ABHD12B: variants seen among roughly 807,000 people sequenced by gnomAD.
The protein encoded by ABHD12B is protein ABHD12B.
Under a neutral mutation model 50.4 loss-of-function variants are expected in ABHD12B, and 42 were observed. The observed-to-expected ratio is 0.83, with a 90% confidence interval of 0.65 to 1.08. The LOEUF (loss-of-function observed/expected upper bound fraction) is 1.08. Ranked by LOEUF, ABHD12B falls within the 50% of genes least tolerant of loss-of-function variation. The pLI is 0.00. For missense variants in ABHD12B, 479 were observed against 447.7 expected (o/e 1.07, Z -0.63); for synonymous variants, 167 against 160.3 (o/e 1.04, Z -0.32).
chr14:50,879,761 A>G (rs1274770887), intron 3 of ABHD12B, among the ~76,000 whole-genome samples: 1 of 152,202 alleles, frequency 6.6e-6, no homozygotes, highest in African/African-American at 2.4e-5. Flanking sequence ...TCTCATCAAG[A>G]TCAGCTCATC....
At chr14:50,873,314 G>T (rs1247194755) in intron 1 of ABHD12B, among the ~76,000 whole-genome samples, 1 of 151,652 alleles carries the variant, frequency 6.6e-6, no homozygotes, top group Non-Finnish European at 1.5e-5. Context: ...GGGCTCCAGC[G>T]ATCCTCCCGT....
intron 9 of ABHD12B, among the ~76,000 whole-genome samples, chr14:50,894,247 C>T (rs542375766): frequency 4.6e-5 from 7 of 151,362 alleles, no homozygotes; most frequent in Non-Finnish European, 8.8e-5. Flanking sequence ...CTCCTTCACC[C>T]TTAGCGGCAA....
At chr14:50,897,443 A>G (rs2050212365) in intron 9 of ABHD12B, among the ~76,000 whole-genome samples, 1 of 152,116 alleles carries the variant, frequency 6.6e-6, no homozygotes, top group African/African-American at 2.4e-5. Flanking sequence ...CTTTTTTGTG[A>G]TCAATATTGC....
rs774490051 is a variant in ABHD12B at position 50,904,076 on chromosome 14, C to T, written c.945C>T (p.Leu315=). ...RTVPLEYGKK[L]YEIARNAYRN... ...GAGTCTCTTTCTGTCGCTTGCAGCT[C>T]TATGAAATTGCACGCAATGCATACA... is the stretch of plus-strand genomic sequence containing the variant. The change falls in exon 12 of 13, where the codon CTC becomes CTT. Residue 315 remains leucine, a splice_region_variant and synonymous_variant. Transcript: ENST00000337334. 4 of 1,611,784 alleles carry T rather than the reference C, an allele frequency of 2.5e-6. No individual in the cohort carries two copies. In the African/African-American group the frequency reaches 4.0e-5, roughly 16 times the overall value.
chr14:50,881,655 A>G, intron 5 of ABHD12B, 29 bp downstream of exon 5: 1 of 1,609,374 alleles, frequency 6.2e-7, no homozygotes, highest in Non-Finnish European at 8.5e-7. Flanking sequence ...CAAAGCACCC[A>G]TTTCATAAGT....
intron 5 of ABHD12B, among the ~76,000 whole-genome samples, chr14:50,884,471 C>G (rs10131261): frequency 0.97 from 147,304 of 152,312 alleles, 71,425 homozygotes; most frequent in East Asian, 1. Context: ...GGAGGAAGCG[C>G]AGTATTTGGA....
intron 9 of ABHD12B, chr14:50,893,205 A>T (rs1349874840): frequency 6.6e-6 from 1 of 152,234 alleles, no homozygotes; most frequent in Non-Finnish European, 1.5e-5. Flanking sequence ...ATCCCCTGTG[A>T]CTTGCAGGTA....
chr14:50,900,592 G>A (rs941999470), intron 9 of ABHD12B, among the ~76,000 whole-genome samples: 6 of 152,212 alleles, frequency 3.9e-5, no homozygotes, highest in Non-Finnish European at 7.3e-5. Flanking sequence ...TTTGGTAGCT[G>A]GTTATGGAAA....
intron 1 of ABHD12B, 64 bp downstream of exon 1, chr14:50,872,342 AG>A (rs2049797768): frequency 1.7e-6 from 2 of 1,147,946 alleles, no homozygotes; most frequent in Admixed American, 4.3e-5. Flanking sequence ...GGGATGGGGC[AG>A]GGGGCCAGGG....
At chr14:50,877,873 A>AAAAC in intron 1 of ABHD12B, 79 bp from the exon 2 acceptor site, 2 of 1,423,310 alleles carry the variant, frequency 1.4e-6, no homozygotes, top group East Asian at 2.6e-5. Flanking sequence ...GTCCAAAAAA[A>AAAAC]AACAAAGAAA....
intron 1 of ABHD12B, among the ~76,000 whole-genome samples, chr14:50,877,023 C>T (rs756420481): frequency 5.3e-5 from 8 of 152,108 alleles, no homozygotes; most frequent in Non-Finnish European, 1.0e-4. Context: ...CTTAGTGACC[C>T]CTCATGGACA....
intron 3 of ABHD12B, among the ~76,000 whole-genome samples, chr14:50,880,004 G>A (rs2049916899): frequency 6.6e-6 from 1 of 152,212 alleles, no homozygotes; most frequent in Non-Finnish European, 1.5e-5. Flanking sequence ...TTGGTTTCTG[G>A]AGCAAAATAG....
rs761299453 is a variant in ABHD12B at position 50,886,678 on chromosome 14, G to T, written c.694G>T (p.Glu232Ter). 11 of 1,608,252 alleles carry T rather than the reference G, an allele frequency of 6.8e-6. No homozygotes were observed. Residue 232 changes from glutamate (E) to a stop codon, truncating the protein, a stop_gained, in exon 8 of 13, where the codon GAA (glutamate) becomes TAA (stop). Transcript: ENST00000337334. LOFTEE classifies it high-confidence loss of function. Reference protein sequence around the residue: ...VATNAAKVLEEKGCPVDAIVL... With the variant: ...VATNAAKVLE ...AACAAATGCTGCAAAAGTGCTAGAA[G>T]AAAAAGGTAATATAAAATGCTTAAG... is the stretch of plus-strand genomic sequence containing the variant.
At chr14:50,896,737 C>T (rs766392339) in intron 9 of ABHD12B, among the ~76,000 whole-genome samples, 12 of 152,024 alleles carry the variant, frequency 7.9e-5, no homozygotes, top group Non-Finnish European at 1.6e-4. Flanking sequence ...CCATTACCTT[C>T]CCAAATCCTA....
intron 9 of ABHD12B, among the ~76,000 whole-genome samples, chr14:50,890,632 T>G (rs146394690): frequency 0.011 from 1,732 of 152,326 alleles, 30 homozygotes; most frequent in African/African-American, 0.039. Flanking sequence ...ATGTGCATAG[T>G]ATAGCTGTAG....
In ABHD12B at chr14:50,890,027, T is replaced by A. The variant is rs543696742; in HGVS notation, c.780+1124T>A. On this transcript the variant is annotated intron_variant, in intron 9 of 12. Coordinates refer to ENST00000337334, the MANE Select transcript of ABHD12B (RefSeq NM_001206673.2). ...CTTGAAAATGGCTTTAATATCTAAGTTTAACTAAATATAGGAATCCCCTCT... is the reference window on the plus strand; with the variant it reads ...CTTGAAAATGGCTTTAATATCTAAGATTAACTAAATATAGGAATCCCCTCT... Among the ~76,000 whole-genome samples the A allele has an allele frequency of 5.9e-5, 9 of 152,278 alleles. No homozygotes were observed. In the South Asian group the frequency reaches 1.9e-3, roughly 32 times the overall value.
chr14:50,901,262 T>C (rs1002849949), intron 9 of ABHD12B, among the ~76,000 whole-genome samples: 6 of 152,248 alleles, frequency 3.9e-5, no homozygotes, highest in African/African-American at 1.4e-4. Flanking sequence ...ATTCTATTTC[T>C]TGGATTTTGC....
rs536355946 is a variant in ABHD12B at position 50,882,727 on chromosome 14, C to T, written c.486+1101C>T. On this transcript the variant is annotated intron_variant, in intron 5 of 12. Transcript: ENST00000337334. Reference sequence around the variant, plus strand: ...ATTCAAGGCTGGGTGCAGTGGTTCACGCTTGCAGTACCAACACTTTGGAAG... The same window carrying T: ...ATTCAAGGCTGGGTGCAGTGGTTCATGCTTGCAGTACCAACACTTTGGAAG... Among the ~76,000 whole-genome samples, 91 of 152,018 alleles carry T rather than the reference C, an allele frequency of 6.0e-4. No individual in the cohort carries two copies. The South Asian group carries it at 0.019, about 31-fold the overall frequency.
In ABHD12B at chr14:50,904,392, T is replaced by G. The variant is rs780150075; in HGVS notation, c.*26T>G. On this transcript the variant is annotated 3_prime_UTR_variant, in exon 13 of 13. Transcript: ENST00000337334. ...GTCTGGGAGGAGTGGAAATCTTCAA[T>G]GAAGACTTGGCCCAAACACCACCTG... 1.9e-6 allele frequency: 3 copies of G among 1,613,678 alleles called. No individual in the cohort carries two copies. The highest frequency in any genetic ancestry group is 4.5e-5 in the East Asian group (2 of 44,894).
Sources: gnomAD v4.1 joint callset for allele counts (sites outside exome capture counted in the v4.1 genomes callset) on GRCh38, gnomAD v4.1.1 for gene constraint, MANE v1.5 for transcripts, NCBI Gene and HGNC (gene_info 2026-07-23, HGNC 2026-07-21) for gene names.